ZNF799: variants seen among roughly 807,000 people sequenced by gnomAD.
ZNF799 encodes zinc finger protein 14.
A neutral mutation model predicts 41.0 loss-of-function variants in ZNF799; 28 were observed. The ratio of observed to expected loss-of-function variants is 0.68; its 90% CI spans 0.51 to 0.94. The LOEUF (loss-of-function observed/expected upper bound fraction) is 0.94, where lower values mean the gene tolerates loss of function less well. Ranked by LOEUF, ZNF799 falls within the 40% of genes least tolerant of loss-of-function variation. ZNF799 has a pLI of 0.00. For synonymous variants in ZNF799, 213 were observed against 252.9 expected (o/e 0.84, Z 1.50); for missense variants, 716 against 764.3 (o/e 0.94, Z 0.74).
Position 12,401,126 on chromosome 19 carries a change from G to C in ZNF799, c.-56C>G. The C allele has an allele frequency of 6.2e-7, 1 of 1,612,954 alleles. No individual in the cohort carries two copies. The highest frequency in any genetic ancestry group is 8.5e-7 in the Non-Finnish European group (1 of 1,179,636). On this transcript the variant is annotated 5_prime_UTR_variant, in exon 1 of 4. Transcript: ENST00000430385. ...CGGACGGCTCCCGCTGCCAATGCGG[G>C]TTCCCGCGGGACACAGGCTGCCACG...
At chr19:12,394,507 C>G in intron 1 of ZNF799, 5 of 889,186 alleles carry the variant, frequency 5.6e-6, no homozygotes, top group Non-Finnish European at 6.7e-6. Flanking sequence ...GGGATTTAGC[C>G]CATCCTATGT....
chr19:12,390,886 A>G lies in ZNF799; in HGVS notation c.1512T>C (p.Tyr504=). 1 of 1,614,130 alleles carries G rather than the reference A, an allele frequency of 6.2e-7. No homozygotes were observed. Among genetic ancestry groups the G allele is most frequent in the Non-Finnish European group, 8.5e-7 (1 of 1,180,006 alleles). ...HRRTHTGEKP[Y]ECNTCKKAFS... ...AGGCTTTCTTACATGTGTTACACTC[A>G]TAAGGTTTCTCTCCTGTGTGAGTCC... The change falls in exon 4 of 4, where the codon TAT becomes TAC. Residue 504 remains tyrosine (Y), a synonymous_variant. Transcript: ENST00000430385.
Position 12,390,932 on chromosome 19 carries a change from T to C in ZNF799, c.1466A>G (p.Gln489Arg), listed in dbSNP as rs533584665. The change falls in exon 4 of 4, where the codon CAA becomes CGA. Residue 489 changes from glutamine (Q) to arginine (R), a missense_variant. Coordinates refer to ENST00000430385, the MANE Select transcript of ZNF799 (RefSeq NM_001080821.3). ...KECGKAFSCF[Q>R]YLSQHRRTHT... Reference sequence around the variant, plus strand: ...AGTCCTTCTATGTTGAGAAAGGTATTGGAAACAACTGAATGCTTTCCCACA... The same window carrying C: ...AGTCCTTCTATGTTGAGAAAGGTATCGGAAACAACTGAATGCTTTCCCACA... 2.7e-5 allele frequency: 43 copies of C among 1,613,166 alleles called. No homozygotes were observed. The highest frequency in any genetic ancestry group is 3.3e-4 in the Middle Eastern group (2 of 6,068).
Position 12,393,407 on chromosome 19 carries a change from T to A in ZNF799, c.20A>T (p.Glu7Val). 7.8e-7 allele frequency: 1 copy of A among 1,283,218 alleles called. No individual in the cohort carries two copies. Among genetic ancestry groups the A allele is most frequent in the Non-Finnish European group, 1.1e-6 (1 of 924,634 alleles). 79.5% of individuals were successfully genotyped at this position (1,283,218 alleles called of 1,614,324 possible). A position where few individuals can be genotyped will look rare whatever the true frequency, so the allele number is the denominator to read the frequency against. ...TCGGGTGAAGTTCACAGCCACATCC[T>A]CTAAAGCCACTGAGGCCTGATCCAT... MASVAL[E>V]DVAVNFTREE... The change falls in exon 2 of 4, where the codon GAG (glutamate) becomes GTG (valine). Residue 7 changes from glutamate to valine, a missense_variant. Transcript: ENST00000430385.
chr19:12,405,159 T>TGC (rs1970021058), upstream of ZNF799, among the ~76,000 whole-genome samples: 1 of 152,168 alleles, frequency 6.6e-6, no homozygotes, highest in Admixed American at 6.5e-5. Flanking sequence ...CTCCTCAGTT[T>TGC]GCAGACAGCC....
Position 12,391,767 on chromosome 19 carries a change from A to G in ZNF799, c.631T>C (p.Leu211=), listed in dbSNP as rs186790203. ...TGCGTTCTCTCATGCATATGTAATA[A>G]ACTGGGCCAAAAAAACGCTTTCCCA... ...LCGKAFFWPS[L]LHMHERTHTG... Residue 211 remains leucine, a synonymous_variant, in exon 4 of 4, where the codon TTA becomes CTA. Coordinates refer to ENST00000430385, the MANE Select transcript of ZNF799 (RefSeq NM_001080821.3). 3.5e-5 allele frequency: 56 copies of G among 1,613,036 alleles called. No individual in the cohort carries two copies. In the African/African-American group the frequency reaches 4.3e-4, roughly 12 times the overall value.
intron 1 of ZNF799, among the ~76,000 whole-genome samples, chr19:12,398,613 A>G (rs1260213323): frequency 1.3e-5 from 2 of 152,252 alleles, no homozygotes; most frequent in African/African-American, 4.8e-5. Flanking sequence ...CCTGTCCCAC[A>G]GAATTTAGCA....
At chr19:12,408,263 T>G in the ZNF799 span, among the ~76,000 whole-genome samples, 1 of 152,124 alleles carries the variant, frequency 6.6e-6, no homozygotes, top group Non-Finnish European at 1.5e-5. Context: ...TCATTTCACA[T>G]AGTAATAGAT....
upstream of ZNF799, among the ~76,000 whole-genome samples, chr19:12,405,503 C>A (rs2144918427): frequency 6.6e-6 from 1 of 152,304 alleles, no homozygotes; most frequent in South Asian, 2.1e-4. Context: ...AACAGCCTGA[C>A]TGTGTTTTCA....
the ZNF799 span, among the ~76,000 whole-genome samples, chr19:12,413,854 CG>C: frequency 6.6e-6 from 1 of 152,132 alleles, no homozygotes; most frequent in Non-Finnish European, 1.5e-5. Flanking sequence ...GTCCGCAGAC[CG>C]GGTAGTCGCC....
chr19:12,396,716 GA>G (rs1167283759), intron 1 of ZNF799, among the ~76,000 whole-genome samples: 1 of 144,840 alleles, frequency 6.9e-6, no homozygotes, highest in Non-Finnish European at 1.5e-5. Context: ...CTAAAATGAA[GA>G]CATCATCACA....
At chr19:12,406,458 T>A in the ZNF799 span, among the ~76,000 whole-genome samples, 1 of 149,102 alleles carries the variant, frequency 6.7e-6, no homozygotes, top group Non-Finnish European at 1.5e-5. Flanking sequence ...GACTCCAGCC[T>A]GGGCAACAGA....
chr19:12,393,689 C>T (rs1164967722), intron 1 of ZNF799: 1 of 1,297,868 alleles, frequency 7.7e-7, no homozygotes, highest in Non-Finnish European at 9.9e-7. Context: ...TAGCCTGGAT[C>T]ACCCCTAATG....
chr19:12,398,850 C>G (rs538698730), intron 1 of ZNF799, among the ~76,000 whole-genome samples: 3 of 152,034 alleles, frequency 2.0e-5, no homozygotes, highest in Non-Finnish European at 4.4e-5. Context: ...CTGAAATCAT[C>G]CAAAAAACAA....
chr19:12,397,951 T>C (rs926414901), intron 1 of ZNF799, among the ~76,000 whole-genome samples: 10 of 152,286 alleles, frequency 6.6e-5, no homozygotes, highest in African/African-American at 2.4e-4. Context: ...ATTCTAGCCC[T>C]AATCAAAAGC....
the ZNF799 span, among the ~76,000 whole-genome samples, chr19:12,409,334 C>T: frequency 6.6e-6 from 1 of 152,192 alleles, no homozygotes; most frequent in Non-Finnish European, 1.5e-5. Flanking sequence ...GCTGTGCCAC[C>T]CGGTTCCTAA....
the ZNF799 span, among the ~76,000 whole-genome samples, chr19:12,412,532 A>G: frequency 9.4e-6 from 1 of 106,668 alleles, no homozygotes; most frequent in East Asian, 2.2e-4. Context: ...GAAATAAAAT[A>G]AAAATTTGTC....
chr19:12,404,668 G>A (rs978209894), upstream of ZNF799, among the ~76,000 whole-genome samples: 1 of 152,074 alleles, frequency 6.6e-6, no homozygotes, highest in African/African-American at 2.4e-5. Context: ...TTGTATTTTC[G>A]AATTGGTATG....
Position 12,391,824 on chromosome 19 carries a change from G to A in ZNF799, c.574C>T (p.Arg192Cys), listed in dbSNP as rs1002134571. The A allele has an allele frequency of 3.1e-5, 50 of 1,613,938 alleles. No homozygotes were observed. The highest frequency in any genetic ancestry group is 6.7e-5 in the African/African-American group (5 of 74,898). ...GNLQRHMAVQ[R>C]GDGPYKCKLC... ...TTACATTTATAAGGTCCATCTCCAC[G>A]CTGCACTGCCATGTGTCTTTGAAGG... is the stretch of plus-strand genomic sequence containing the variant. The change falls in exon 4 of 4, where the codon CGT (arginine) becomes TGT (cysteine). Residue 192 changes from arginine to cysteine, a missense_variant. Transcript: ENST00000430385.
Sources: allele counts gnomAD v4.1 joint callset (sites outside exome capture counted in the v4.1 genomes callset), GRCh38; gene constraint gnomAD v4.1.1; transcripts MANE v1.5; gene names NCBI Gene and HGNC (gene_info 2026-07-23, HGNC 2026-07-21).